CCDC180: variants seen among roughly 807,000 people sequenced by gnomAD.
The protein encoded by CCDC180 is coiled-coil domain containing 180, also known as coiled-coil domain-containing protein 180.
In CCDC180, 154 loss-of-function variants were observed where a neutral mutation model predicts 209.2. The observed-to-expected ratio is 0.74, with a 90% CI of 0.65 to 0.84. The LOEUF is 0.84. CCDC180 is among the 40% of genes least tolerant of loss of function. The pLI, the probability that CCDC180 is intolerant of heterozygous loss-of-function variation, is 0.00. For synonymous variants in CCDC180, 778 were observed against 749.1 expected (o/e 1.04, Z -0.63); for missense variants, 1,874 against 1,997.3 (o/e 0.94, Z 1.18).
At chr9:97,365,617 C>A in intron 29 of CCDC180, 56 bp from the exon 30 acceptor site, 1 of 1,509,208 alleles carries the variant, frequency 6.6e-7, no homozygotes, top group South Asian at 1.1e-5. Context: ...GTGGTTTTGT[C>A]CATGTTTGTG....
intron 29 of CCDC180, chr9:97,364,410 A>C: frequency 2.7e-6 from 1 of 367,056 alleles, no homozygotes; most frequent in Middle Eastern, 7.6e-4. Context: ...TTTTTTTGTA[A>C]TTTTTTTCAG....
At position 97,309,509 on chromosome 9, in the gene CCDC180, G is replaced by A. The variant is rs374421284; in HGVS notation, c.165G>A (p.Val55=). ...KSGRIPMMKK[V]ETPEGEVMSP... is the part of the protein sequence containing the mutation. Reference sequence around the variant, plus strand: ...GCAGGATACCCATGATGAAGAAGGTGGAGACTCCTGAAGGGGAGGTGATGT... The same window carrying A: ...GCAGGATACCCATGATGAAGAAGGTAGAGACTCCTGAAGGGGAGGTGATGT... The change falls in exon 3 of 37, where the codon GTG becomes GTA. Residue 55 remains valine, a synonymous_variant. Transcript: ENST00000529487. 65 of 1,606,700 alleles carry A rather than the reference G, an allele frequency of 4.0e-5. No individual in the cohort carries two copies. The highest frequency in any genetic ancestry group is 5.4e-5 in the Non-Finnish European group (63 of 1,176,878).
At chr9:97,347,955 G>C (rs1184723745) in intron 20 of CCDC180, among the ~76,000 whole-genome samples, 1 of 152,186 alleles carries the variant, frequency 6.6e-6, no homozygotes, top group Non-Finnish European at 1.5e-5. Context: ...GAAGTGTTAA[G>C]GAGGTGGTGA....
At chr9:97,314,547 T>C (rs759488451) in intron 6 of CCDC180, 26 bp downstream of exon 6, 2 of 1,613,730 alleles carry the variant, frequency 1.2e-6, no homozygotes, top group African/African-American at 2.7e-5. Flanking sequence ...TGGCTGGGCC[T>C]GCCCCACCCA....
chr9:97,365,494 AAGTT>A lies in CCDC180; in HGVS notation c.3981-176_3981-173del, dbSNP rs1826893004. The stretch of plus-strand genomic sequence containing the variant: ...AACAAATACAACCAAGAAGAGAAGA[AAGTT>A]AGCTGCTGTTATGGAGTGGAATCAG... On this transcript the variant is annotated intron_variant, in intron 29 of 36. Coordinates refer to ENST00000529487, the MANE Select transcript of CCDC180 (RefSeq NM_020893.6). 5.0e-6 allele frequency: 3 copies of A among 603,350 alleles called. No homozygotes were observed. The East Asian group carries it at 8.3e-5, about 17-fold the overall frequency. The allele number at this position is 603,350 out of a possible 1,614,324, so 37.4% of individuals were successfully genotyped here. A position where few individuals can be genotyped will look rare whatever the true frequency, so the allele number is the denominator to read the frequency against.
chr9:97,368,063 C>T (rs4366181), intron 31 of CCDC180, among the ~76,000 whole-genome samples: 82,053 of 152,028 alleles, frequency 0.54, 23,376 homozygotes, highest in African/African-American at 0.71. Context: ...ACAGACTGCA[C>T]CCCTCTCTGG....
In CCDC180 at chr9:97,347,437, G is replaced by A; in HGVS notation, c.2622G>A (p.Leu874=). The change falls in exon 20 of 37, where the codon CTG becomes CTA. Residue 874 remains leucine (L), a synonymous_variant. Transcript: ENST00000529487. ...CAGAACTGGAGCTGCATCTGCACCTGCACCAGCCAAGAGCCCAGCAGATTG... is the reference window on the plus strand; with the variant it reads ...CAGAACTGGAGCTGCATCTGCACCTACACCAGCCAAGAGCCCAGCAGATTG... The part of the protein sequence containing the change: ...LDSELELHLH[L]HQPRAQQIEK... The A allele has an allele frequency of 1.3e-6, 2 of 1,536,144 alleles. No homozygotes were observed. The highest frequency in any genetic ancestry group is 2.4e-5 in the South Asian group (2 of 84,054).
intron 8 of CCDC180, among the ~76,000 whole-genome samples, chr9:97,315,548 A>G (rs1039584842): frequency 6.6e-6 from 1 of 152,188 alleles, no homozygotes; most frequent in South Asian, 2.1e-4. Context: ...TGATGTCTCC[A>G]AGGTCAGAGC....
In CCDC180 at chr9:97,362,180, T is replaced by C. The variant is rs1826774856; in HGVS notation, c.3657-16T>C. On this transcript the variant is annotated splice_polypyrimidine_tract_variant and intron_variant, in intron 27 of 36. Transcript: ENST00000529487. ...GGTCACCGGAGAAGAGCTCACACCC[T>C]TTCCTTTGGTTTCAGACTTCCCAAC... The C allele has an allele frequency of 1.2e-6, 2 of 1,606,686 alleles. No homozygotes were observed. The highest frequency in any genetic ancestry group is 1.7e-6 in the Non-Finnish European group (2 of 1,174,876).
At position 97,309,637 on chromosome 9, in the gene CCDC180, C is replaced by A. The variant is rs765712567; in HGVS notation, c.260+33C>A. The A allele has an allele frequency of 6.7e-6, 10 of 1,484,764 alleles. No homozygotes were observed. In the South Asian group the frequency reaches 1.4e-4, roughly 21 times the overall value. The allele number at this position is 1,484,764 out of a possible 1,614,324, so 92.0% of individuals were successfully genotyped here. A position where few individuals can be genotyped will look rare whatever the true frequency, so the allele number is the denominator to read the frequency against. The stretch of plus-strand genomic sequence containing the variant: ...CTGTTGTCCATGCCTCACCCCCATG[C>A]ACTAGGGTACCTGAGCCTTCAAAAA... On this transcript the variant is annotated intron_variant, in intron 3 of 36. Transcript: ENST00000529487.
intron 4 of CCDC180, among the ~76,000 whole-genome samples, chr9:97,312,437 A>G (rs1240151769): frequency 6.6e-6 from 1 of 152,152 alleles, no homozygotes; most frequent in African/African-American, 2.4e-5. Flanking sequence ...ACTGATGCAA[A>G]ACAGGTGATT....
rs925274500 is a variant in CCDC180 at position 97,352,494 on chromosome 9, G to A, written c.3002+1939G>A. Among the ~76,000 whole-genome samples, 5 of 152,238 alleles carry A rather than the reference G, an allele frequency of 3.3e-5. No individual in the cohort carries two copies. In the South Asian group the frequency reaches 1.0e-3, roughly 32 times the overall value. On this transcript the variant is annotated intron_variant, in intron 22 of 36. Coordinates refer to ENST00000529487, the MANE Select transcript of CCDC180 (RefSeq NM_020893.6). Reference sequence around the variant, plus strand: ...CACAACAGTTGAATATCTTCTGGAGGATCCAGCCTTTAGGTAGACAGGTGA... The same window carrying A: ...CACAACAGTTGAATATCTTCTGGAGAATCCAGCCTTTAGGTAGACAGGTGA...
chr9:97,347,491 T>TACA lies in CCDC180; in HGVS notation c.2674+3_2674+5dup. 1 of 1,535,192 alleles carries TACA rather than the reference T, an allele frequency of 6.5e-7. No homozygotes were observed. The highest frequency in any genetic ancestry group is 8.7e-7 in the Non-Finnish European group (1 of 1,146,314). ...AAGACATCCACAACGTCAGGGCAGG[T>TACA]ACAGATGCTGCCTGGGAATGTCTGC... is the stretch of plus-strand genomic sequence containing the variant. On this transcript the variant is annotated splice_region_variant and intron_variant, in intron 20 of 36. Transcript: ENST00000529487.
In CCDC180 at chr9:97,357,705, G is replaced by A. The variant is rs751802171; in HGVS notation, c.3343G>A (p.Glu1115Lys). The change falls in exon 25 of 37, where the codon GAG (glutamate) becomes AAG (lysine). Residue 1115 changes from glutamate to lysine, a missense_variant. Physicochemically the swap from Glu to Lys is moderately conservative, Grantham distance 56. Transcript: ENST00000529487. ...QLQNKIKTCQ[E>K]SRGEKTTVTT... is the part of the protein sequence containing the mutation. ...TCAGAACAAGATAAAAACTTGTCAA[G>A]AGTCCAGGGGAGAGAAAACCGTAAG... 6.2e-7 allele frequency: 1 copy of A among 1,611,250 alleles called. No individual in the cohort carries two copies. Among genetic ancestry groups the A allele is most frequent in the Non-Finnish European group, 8.5e-7 (1 of 1,178,422 alleles).
At position 97,330,353 on chromosome 9, in the gene CCDC180, G is replaced by GA. The variant is rs1564155733; in HGVS notation, c.1866dup (p.Leu623ThrfsTer8). ...ATGAAAAACCCTCCCAGAAGAGAGT[G>GA]AAAAAACTGAGGAAGAAGCAAGGGT... On this transcript the variant is annotated frameshift_variant, in exon 18 of 37. Transcript: ENST00000529487. LOFTEE classifies it high-confidence loss of function. 2 of 1,614,028 alleles carry GA rather than the reference G, an allele frequency of 1.2e-6. No individual in the cohort carries two copies. The highest frequency in any genetic ancestry group is 1.1e-5 in the South Asian group (1 of 91,068).
rs1462449675 is a variant in CCDC180 at position 97,326,621 on chromosome 9, C to T, written c.1613C>T (p.Ala538Val). 5.0e-6 allele frequency: 8 copies of T among 1,613,760 alleles called. No individual in the cohort carries two copies. Among genetic ancestry groups the T allele is most frequent in the Middle Eastern group, 1.6e-4 (1 of 6,062 alleles). ...CAGCAAAGTGACAAAGAAACACTGG[C>T]GTTTCACCTGGAAAAGGTCAAAGAT... ...LRQQSDKETL[A>V]FHLEKVKDYL... is the part of the protein sequence containing the mutation. The change falls in exon 15 of 37, where the codon GCG (alanine) becomes GTG (valine). Residue 538 changes from alanine (A) to valine (V), a missense_variant. Ala to Val is a moderately conservative substitution (Grantham distance 64). Coordinates refer to ENST00000529487, the MANE Select transcript of CCDC180 (RefSeq NM_020893.6).
In CCDC180 at chr9:97,350,538, G is replaced by T; in HGVS notation, c.2985G>T (p.Glu995Asp). Residue 995 changes from glutamate (E) to aspartate (D), a missense_variant, in exon 22 of 37, where the codon GAG (glutamate) becomes GAT (aspartate). Transcript: ENST00000529487. Reference protein sequence around the residue: ...SLGKLRYSNIEFIKHCRLFSE... With the variant: ...SLGKLRYSNIDFIKHCRLFSE... ...GCAAACTCCGCTACTCAAATATTGA[G>T]TTCATCAAACACTGCAGGTGGGAGC... The T allele has an allele frequency of 6.5e-7, 1 of 1,536,486 alleles. No homozygotes were observed. Among genetic ancestry groups the T allele is most frequent in the Non-Finnish European group, 8.7e-7 (1 of 1,147,010 alleles).
chr9:97,318,799 G>A (rs1833265048), intron 10 of CCDC180, among the ~76,000 whole-genome samples: 1 of 152,182 alleles, frequency 6.6e-6, no homozygotes, highest in Non-Finnish European at 1.5e-5. Flanking sequence ...TAGCTGCCAA[G>A]CAACTTGAAA....
chr9:97,322,857 T>C lies in CCDC180; in HGVS notation c.1184T>C (p.Met395Thr), dbSNP rs1833402643. 2 of 1,614,152 alleles carry C rather than the reference T, an allele frequency of 1.2e-6. No homozygotes were observed. The highest frequency in any genetic ancestry group is 1.7e-6 in the Non-Finnish European group (2 of 1,180,036). Residue 395 changes from methionine (M) to threonine (T), a missense_variant, in exon 12 of 37, where the codon ATG becomes ACG. Coordinates refer to ENST00000529487, the MANE Select transcript of CCDC180 (RefSeq NM_020893.6). ...GACACCTACCACGTGGACTGCATGA[T>C]GCGGATCCGCCTGCTGTATGAGAAG... ...ELDTYHVDCM[M>T]RIRLLYEKTW... is the part of the protein sequence containing the mutation.
Sources: allele counts gnomAD v4.1 joint callset (sites outside exome capture counted in the v4.1 genomes callset), GRCh38; gene constraint gnomAD v4.1.1; transcripts MANE v1.5; gene names NCBI Gene and HGNC (gene_info 2026-07-23, HGNC 2026-07-21).